The following TBL1XR1 variants were observed in gnomAD, a reference collection of about 807,000 sequenced individuals.
TBL1XR1 encodes F-box-like/WD repeat-containing protein TBL1XR1.
Under a neutral mutation model 66.9 loss-of-function variants are expected in TBL1XR1, and 5 were observed. The observed-to-expected ratio is 0.07, with a 90% CI of 0.04 to 0.16. The LOEUF (loss-of-function observed/expected upper bound fraction) is 0.16, where lower values mean the gene tolerates loss of function less well. Ranked by LOEUF, TBL1XR1 falls within the 10% of genes least tolerant of loss-of-function variation. TBL1XR1 has a pLI of 1.00. For synonymous variants in TBL1XR1, 210 were observed against 206.0 expected (o/e 1.02, Z -0.17); for missense variants, 238 against 623.2 (o/e 0.38, Z 6.58).
chr3:177,105,199 A>G (rs1316743075), intron 1 of TBL1XR1, among the ~76,000 whole-genome samples: 2 of 152,218 alleles, frequency 1.3e-5, no homozygotes, highest in South Asian at 2.1e-4. Context: ...TGTAACTATA[A>G]CTGTTTTCCC....
intron 1 of TBL1XR1, among the ~76,000 whole-genome samples, chr3:177,142,456 G>C (rs1359159182): frequency 6.6e-6 from 1 of 152,152 alleles, no homozygotes; most frequent in Non-Finnish European, 1.5e-5. Context: ...TTCAGGTGTT[G>C]CCATGGCAAT....
Position 177,024,187 on chromosome 3 carries a change from GGAA to G in TBL1XR1, c.*1308_*1310del, listed in dbSNP as rs544155554. On this transcript the variant is annotated 3_prime_UTR_variant, in exon 16 of 16. Coordinates refer to ENST00000457928, the MANE Select transcript of TBL1XR1 (RefSeq NM_024665.7). ...CCACAAATGCAGAATCAGAGCAGCA[GGAA>G]GAAGGTTAGTGCAATTATACTTTCA... 2.0e-5 allele frequency: 3 copies of G among 152,392 alleles called. No homozygotes were observed. The highest frequency in any genetic ancestry group is 3.9e-4 in the East Asian group (2 of 5,182). The allele number at this position is 152,392 out of a possible 1,614,324, so 9.4% of individuals were successfully genotyped here.
At position 177,047,980 on chromosome 3, in the gene TBL1XR1, T is replaced by C. The variant is rs1034833647; in HGVS notation, c.703-431A>G. ...GGTTTTATATGGCCATTCCTCTAAA[T>C]CCTTTACTGTCTAAAACGAAGTGTG... is the stretch of plus-strand genomic sequence containing the variant. On this transcript the variant is annotated intron_variant, in intron 7 of 15. Coordinates refer to ENST00000457928, the MANE Select transcript of TBL1XR1 (RefSeq NM_024665.7). The C allele has an allele frequency of 1.8e-5, 3 of 163,916 alleles. No individual in the cohort carries two copies. In the South Asian group the frequency reaches 4.8e-4, roughly 26 times the overall value. The allele number at this position is 163,916 out of a possible 1,614,324, so 10.2% of individuals were successfully genotyped here. A position where few individuals can be genotyped will look rare whatever the true frequency, so the allele number is the denominator to read the frequency against.
intron 1 of TBL1XR1, among the ~76,000 whole-genome samples, chr3:177,173,650 C>G (rs1182879288): frequency 6.6e-6 from 1 of 152,076 alleles, no homozygotes; most frequent in Non-Finnish European, 1.5e-5. Flanking sequence ...ACATGAGAAC[C>G]TGGATTGGCT....
intron 1 of TBL1XR1, among the ~76,000 whole-genome samples, chr3:177,159,727 C>T (rs1483885616): frequency 6.6e-6 from 1 of 152,136 alleles, no homozygotes; most frequent in African/African-American, 2.4e-5. Context: ...TACGAAAGTC[C>T]TAAATAAGTA....
chr3:177,092,375 A>T (rs1479939702), intron 2 of TBL1XR1, among the ~76,000 whole-genome samples: 1 of 152,206 alleles, frequency 6.6e-6, no homozygotes, highest in Non-Finnish European at 1.5e-5. Flanking sequence ...GGAAAAGATG[A>T]ACATTATACT....
chr3:177,065,822 C>T (rs1719082839), intron 2 of TBL1XR1, among the ~76,000 whole-genome samples: 1 of 152,202 alleles, frequency 6.6e-6, no homozygotes, highest in African/African-American at 2.4e-5. Context: ...GGTGCAAAAG[C>T]AGCAACACAC....
intron 2 of TBL1XR1, among the ~76,000 whole-genome samples, chr3:177,067,014 A>G (rs1200957455): frequency 6.6e-6 from 1 of 152,204 alleles, no homozygotes; most frequent in Non-Finnish European, 1.5e-5. Context: ...ATACTGGCCC[A>G]GGGCACTGGT....
intron 2 of TBL1XR1, among the ~76,000 whole-genome samples, chr3:177,080,817 G>T (rs892950337): frequency 1.3e-5 from 2 of 152,136 alleles, no homozygotes; most frequent in Admixed American, 6.5e-5. Flanking sequence ...TCCAGGGTCT[G>T]ACAAACTTAA....
intron 3 of TBL1XR1, among the ~76,000 whole-genome samples, chr3:177,059,602 G>A (rs1019539516): frequency 1.3e-5 from 2 of 151,984 alleles, no homozygotes; most frequent in African/African-American, 2.4e-5. Context: ...AAAGTTAGGG[G>A]GAAAAAATGG....
intron 1 of TBL1XR1, among the ~76,000 whole-genome samples, chr3:177,128,725 T>A (rs192722567): frequency 2.6e-4 from 40 of 152,318 alleles, no homozygotes; most frequent in African/African-American, 9.4e-4. Flanking sequence ...CTTTTCTATT[T>A]CTTGGGGAAA....
intron 1 of TBL1XR1, among the ~76,000 whole-genome samples, chr3:177,186,029 A>ATAAC (rs1254159537): frequency 6.6e-6 from 1 of 152,092 alleles, no homozygotes; most frequent in Non-Finnish European, 1.5e-5. Flanking sequence ...AAATAAATAA[A>ATAAC]TATAAGTAAA....
chr3:177,116,745 A>G (rs1560194161), intron 1 of TBL1XR1, among the ~76,000 whole-genome samples: 1 of 152,224 alleles, frequency 6.6e-6, no homozygotes. Flanking sequence ...TTGTAATGGT[A>G]TCTTCTCTCA....
chr3:177,132,907 G>A (rs1247455986), intron 1 of TBL1XR1, among the ~76,000 whole-genome samples: 7 of 152,184 alleles, frequency 4.6e-5, no homozygotes, highest in East Asian at 3.9e-4. Context: ...TGCTCACACC[G>A]CCCTTCACCC....
intron 2 of TBL1XR1, among the ~76,000 whole-genome samples, chr3:177,072,577 G>A (rs1427928181): frequency 6.6e-6 from 1 of 152,098 alleles, no homozygotes; most frequent in African/African-American, 2.4e-5. Context: ...TATGCTGTGT[G>A]TGTAACAAAG....
intron 2 of TBL1XR1, among the ~76,000 whole-genome samples, chr3:177,084,994 T>C (rs1721944094): frequency 6.6e-6 from 1 of 152,238 alleles, no homozygotes; most frequent in Admixed American, 6.5e-5. Context: ...AACACTGTAA[T>C]TGGCCTACTT....
chr3:177,199,179 G>A (rs990487778), upstream of TBL1XR1, among the ~76,000 whole-genome samples: 4 of 152,126 alleles, frequency 2.6e-5, no homozygotes, highest in Non-Finnish European at 4.4e-5. Flanking sequence ...ATGAAAGTGG[G>A]AATGTTGGAT....
At chr3:177,061,456 A>C (rs565599727) in intron 3 of TBL1XR1, among the ~76,000 whole-genome samples, 2 of 152,230 alleles carry the variant, frequency 1.3e-5, no homozygotes, top group East Asian at 1.9e-4. Context: ...ACTAAACCAC[A>C]TATTTATCAA....
chr3:177,169,713 C>G (rs1478619676), intron 1 of TBL1XR1, among the ~76,000 whole-genome samples: 1 of 152,214 alleles, frequency 6.6e-6, no homozygotes, highest in Non-Finnish European at 1.5e-5. Context: ...ATCCCTCACT[C>G]TTTCTTCACT....
Sources: allele counts gnomAD v4.1 joint callset (sites outside exome capture counted in the v4.1 genomes callset), GRCh38; gene constraint gnomAD v4.1.1; transcripts MANE v1.5; gene names NCBI Gene and HGNC (gene_info 2026-07-23, HGNC 2026-07-21).